Variants in VPS13B observed in about 807,000 individuals in gnomAD.
The protein encoded by VPS13B is intermembrane lipid transfer protein VPS13B.
VPS13B carries 285 observed loss-of-function variants against 426.4 expected under a neutral mutation model. The observed-to-expected ratio is 0.67, with a 90% CI of 0.61 to 0.74. The LOEUF (loss-of-function observed/expected upper bound fraction) is 0.74, where lower values mean the gene tolerates loss of function less well. Ranked by LOEUF, VPS13B falls within the 30% of genes least tolerant of loss-of-function variation. The pLI, the probability that VPS13B is intolerant of heterozygous loss-of-function variation, is 0.00. For synonymous variants in VPS13B, 1,676 were observed against 1,676.4 expected (o/e 1.00, Z 0.01); for missense variants, 4,537 against 4,782.6 (o/e 0.95, Z 1.51).
At chr8:99,077,236 G>A (rs1019793530) in intron 3 of VPS13B, among the ~76,000 whole-genome samples, 1 of 151,826 alleles carries the variant, frequency 6.6e-6, no homozygotes, top group Non-Finnish European at 1.5e-5. Flanking sequence ...GCAATGGCGC[G>A]ATCTCAGCTC....
At chr8:99,037,015 G>T (rs1462446867) in intron 2 of VPS13B, among the ~76,000 whole-genome samples, 1 of 152,062 alleles carries the variant, frequency 6.6e-6, no homozygotes, top group Non-Finnish European at 1.5e-5. Context: ...TGGGGATAAT[G>T]CTATTTACAT....
chr8:99,136,575 A>C (rs950706223), intron 11 of VPS13B, 90 bp from the exon 12 acceptor site: 12 of 1,226,928 alleles, frequency 9.8e-6, no homozygotes, highest in Non-Finnish European at 1.4e-5. Context: ...TATACATTCT[A>C]TATAAAGATA....
At position 99,377,220 on chromosome 8, in the gene VPS13B, C is replaced by A. The variant is rs568414762; in HGVS notation, c.2825-6988C>A. ...CCTAGATTTAAGGTTTACTATCTTT[C>A]AACATTTCTGTAAAATACTCAGCCA... is the stretch of plus-strand genomic sequence containing the variant. On this transcript the variant is annotated intron_variant, in intron 19 of 61. Coordinates refer to ENST00000357162, the MANE Select transcript of VPS13B (RefSeq NM_152564.5). Among the ~76,000 whole-genome samples the A allele has an allele frequency of 1.1e-4, 16 of 152,182 alleles. No homozygotes were observed. In the South Asian group the frequency reaches 3.3e-3, roughly 32 times the overall value.
intron 19 of VPS13B, among the ~76,000 whole-genome samples, chr8:99,371,538 C>T (rs1320446465): frequency 1.3e-5 from 2 of 152,234 alleles, no homozygotes; most frequent in East Asian, 1.9e-4. Flanking sequence ...CAGCTTTGTT[C>T]GTTTTGCTTA....
intron 30 of VPS13B, among the ~76,000 whole-genome samples, chr8:99,538,907 T>C (rs913983736): frequency 2.0e-5 from 3 of 152,212 alleles, no homozygotes; most frequent in Admixed American, 2.0e-4. Flanking sequence ...TATTAATTGA[T>C]TTCTTGTAAA....
intron 17 of VPS13B, among the ~76,000 whole-genome samples, chr8:99,224,377 A>G (rs1588153108): frequency 6.6e-6 from 1 of 152,108 alleles, no homozygotes; most frequent in Non-Finnish European, 1.5e-5. Flanking sequence ...TTTACCTCAT[A>G]TTTTCCAAGT....
intron 35 of VPS13B, chr8:99,697,802 C>G (rs1832096270): frequency 3.3e-6 from 2 of 615,054 alleles, no homozygotes; most frequent in Admixed American, 2.0e-5. Context: ...GCAAGTCAGG[C>G]ACATTCCAGA....
chr8:99,582,055 C>T (rs1826089091), intron 33 of VPS13B, among the ~76,000 whole-genome samples: 1 of 152,130 alleles, frequency 6.6e-6, no homozygotes. Flanking sequence ...TAAGTTTACT[C>T]CCAAAACAGA....
At chr8:99,862,783 A>T (rs1465581008) in intron 58 of VPS13B, among the ~76,000 whole-genome samples, 1 of 152,204 alleles carries the variant, frequency 6.6e-6, no homozygotes, top group Non-Finnish European at 1.5e-5. Context: ...GAACTCCTAG[A>T]TTGGCAACTG....
intron 3 of VPS13B, among the ~76,000 whole-genome samples, chr8:99,062,341 G>A (rs377360336): frequency 1.1e-4 from 17 of 152,156 alleles, no homozygotes; most frequent in African/African-American, 9.7e-5. Context: ...TTTCATGTGC[G>A]TCAAAACCAA....
intron 44 of VPS13B, among the ~76,000 whole-genome samples, chr8:99,815,858 G>T (rs1248464784): frequency 6.6e-6 from 1 of 152,068 alleles, no homozygotes; most frequent in Non-Finnish European, 1.5e-5. Flanking sequence ...TAGAAATAGG[G>T]TCTTGCTCTG....
chr8:99,436,419 TAC>T (rs1817378421), intron 22 of VPS13B, among the ~76,000 whole-genome samples: 1 of 152,164 alleles, frequency 6.6e-6, no homozygotes, highest in Non-Finnish European at 1.5e-5. Context: ...TATGGTAAAA[TAC>T]ATATAACATA....
At chr8:99,232,962 G>A (rs1816426243) in intron 17 of VPS13B, 5 of 663,572 alleles carry the variant, frequency 7.5e-6, no homozygotes, top group Middle Eastern at 4.2e-4. Flanking sequence ...GTTTGCTTCC[G>A]ATCTGGCTGG....
chr8:99,238,146 G>A (rs774891049), intron 17 of VPS13B, among the ~76,000 whole-genome samples: 20 of 151,896 alleles, frequency 1.3e-4, no homozygotes, highest in Non-Finnish European at 2.4e-4. Context: ...ACCAGGATAG[G>A]GGTCCCTTTA....
intron 3 of VPS13B, among the ~76,000 whole-genome samples, chr8:99,071,372 G>A (rs1202450466): frequency 6.6e-6 from 1 of 152,114 alleles, no homozygotes; most frequent in East Asian, 1.9e-4. Context: ...TTGCCTTTGT[G>A]GTCTTCAGTA....
intron 23 of VPS13B, among the ~76,000 whole-genome samples, chr8:99,465,152 T>C (rs981213522): frequency 6.6e-6 from 1 of 152,162 alleles, no homozygotes; most frequent in Non-Finnish European, 1.5e-5. Context: ...CAGTCATGGA[T>C]GTCTGAACAT....
At chr8:99,650,386 G>A (rs74437714) in intron 34 of VPS13B, among the ~76,000 whole-genome samples, 1 of 152,236 alleles carries the variant, frequency 6.6e-6, no homozygotes, top group African/African-American at 2.4e-5. Context: ...AATGCTGTGA[G>A]ATTCATTGCC....
chr8:99,374,131 T>G (rs1461151487), intron 19 of VPS13B, among the ~76,000 whole-genome samples: 1 of 151,990 alleles, frequency 6.6e-6, no homozygotes, highest in Non-Finnish European at 1.5e-5. Flanking sequence ...GAAATTATCC[T>G]TATCGTGATT....
chr8:99,330,632 A>T (rs2133153383), intron 19 of VPS13B, among the ~76,000 whole-genome samples: 1 of 151,708 alleles, frequency 6.6e-6, no homozygotes, highest in South Asian at 2.1e-4. Context: ...CTATATTTTA[A>T]TTTTTTCTTC....
Sources: allele counts gnomAD v4.1 joint callset (sites outside exome capture counted in the v4.1 genomes callset), GRCh38; gene constraint gnomAD v4.1.1; transcripts MANE v1.5; gene names NCBI Gene and HGNC (gene_info 2026-07-23, HGNC 2026-07-21).